The following TMEM254 variants were observed in gnomAD, a reference collection of about 807,000 sequenced individuals.
The protein encoded by TMEM254 is transmembrane protein C10orf57.
In TMEM254, 16 loss-of-function variants were observed where a neutral mutation model predicts 13.9. The observed-to-expected ratio is 1.15, with a 90% confidence interval of 0.78 to 1.75. The LOEUF is 1.75. Ranked by LOEUF, TMEM254 falls within the 40% of genes most tolerant of loss-of-function variation. The probability of loss-of-function intolerance (pLI) is 0.00; values close to 1 mark genes in which losing one functional copy is unlikely to be tolerated. For synonymous variants in TMEM254, 61 were observed against 56.4 expected (o/e 1.08, Z -0.36); for missense variants, 155 against 149.0 (o/e 1.04, Z -0.21).
At chr10:80,089,682 G>GA (rs984316133) in intron 3 of TMEM254, among the ~76,000 whole-genome samples, 2 of 125,240 alleles carry the variant, frequency 1.6e-5, no homozygotes, top group Admixed American at 7.7e-5. Context: ...CATCTCTGGG[G>GA]GGGTTGGAAA....
rs1008638122 is a variant in TMEM254 at position 80,079,799 on chromosome 10, G to T, written c.87+1013G>T. Reference sequence around the variant, plus strand: ...GCGATCTCGGCTCACTGCAACCTCTGCTTCCCAGGTTCAAGCGATTCTCAT... The same window carrying T: ...GCGATCTCGGCTCACTGCAACCTCTTCTTCCCAGGTTCAAGCGATTCTCAT... On this transcript the variant is annotated intron_variant, in intron 1 of 3. Transcript: ENST00000372281. The T allele has an allele frequency of 4.9e-6, 3 of 610,364 alleles. No homozygotes were observed. The African/African-American group carries it at 6.0e-5, about 12-fold the overall frequency. 37.8% of individuals were successfully genotyped at this position (610,364 alleles called of 1,614,324 possible).
chr10:80,083,893 A>C (rs1274267097), intron 3 of TMEM254, among the ~76,000 whole-genome samples: 1 of 152,096 alleles, frequency 6.6e-6, no homozygotes, highest in East Asian at 1.9e-4. Context: ...CCTGGCCAAC[A>C]TGACAAAACC....
chr10:80,090,053 T>G (rs1272577801), intron 3 of TMEM254, among the ~76,000 whole-genome samples: 1 of 152,090 alleles, frequency 6.6e-6, no homozygotes, highest in Non-Finnish European at 1.5e-5. Flanking sequence ...CTGCATTTAT[T>G]AAGATATTCA....
chr10:80,088,181 A>G (rs1022512558), intron 3 of TMEM254, among the ~76,000 whole-genome samples: 3 of 151,900 alleles, frequency 2.0e-5, no homozygotes, highest in African/African-American at 7.3e-5. Context: ...CTATTTCTGA[A>G]CACTCTATTC....
At chr10:80,082,067 T>G in intron 2 of TMEM254, 78 bp from the exon 3 acceptor site, 2 of 1,588,908 alleles carry the variant, frequency 1.3e-6, no homozygotes, top group Non-Finnish European at 1.7e-6. Flanking sequence ...GGCACTTTTC[T>G]TTTTGAGATT....
Position 80,090,896 on chromosome 10 carries a change from G to C in TMEM254, c.351G>C (p.Arg117=). The part of the protein sequence containing the change: ...ASLTILIAYK[R]KRQKQT ...TCACCATCTTGATTGCTTACAAACG[G>C]AAGCGCCAAAAACAAACTTGAAGTT... Residue 117 remains arginine (R), a synonymous_variant, in exon 4 of 4, where the codon CGG becomes CGC. Transcript: ENST00000372281. 1 of 1,613,828 alleles carries C rather than the reference G, an allele frequency of 6.2e-7. No individual in the cohort carries two copies. The highest frequency in any genetic ancestry group is 8.5e-7 in the Non-Finnish European group (1 of 1,179,902).
rs369105074 is a variant in TMEM254, at chr10:80,089,683, G to C, written c.252-1114G>C. Among the ~76,000 whole-genome samples, 748 of 151,582 alleles carry C rather than the reference G, an allele frequency of 4.9e-3. 7 individuals carry two copies. The highest frequency in any genetic ancestry group is 0.017 in the African/African-American group (701 of 41,336). ...ACAGAGTGAGACCCCATCTCTGGGGGGGTTGGAAAAAGAATGGATGTTGAA... is the reference window on the plus strand; with the variant it reads ...ACAGAGTGAGACCCCATCTCTGGGGCGGTTGGAAAAAGAATGGATGTTGAA... On this transcript the variant is annotated intron_variant, in intron 3 of 3. Coordinates refer to ENST00000372281, the MANE Select transcript of TMEM254 (RefSeq NM_025125.4).
At chr10:80,080,777 C>T (rs1056670170) in intron 1 of TMEM254, among the ~76,000 whole-genome samples, 4 of 151,464 alleles carry the variant, frequency 2.6e-5, no homozygotes, top group Non-Finnish European at 4.4e-5. Flanking sequence ...CATCTCTACA[C>T]ACACACACAC....
rs139429155 is a variant in TMEM254 at position 80,082,620 on chromosome 10, A to G, written c.251+416A>G. The stretch of plus-strand genomic sequence containing the variant: ...TTCAAAATACACACGTCTGGTTTCC[A>G]GACCCAGAGATTCTGATTGGGTAAG... On this transcript the variant is annotated intron_variant, in intron 3 of 3. Transcript: ENST00000372281. Among the ~76,000 whole-genome samples the G allele has an allele frequency of 1.6e-3, 243 of 152,314 alleles. 1 individual carries two copies. The highest frequency in any genetic ancestry group is 5.7e-3 in the African/African-American group (235 of 41,566).
At chr10:80,086,717 T>G (rs1403740443) in intron 3 of TMEM254, among the ~76,000 whole-genome samples, 1 of 151,666 alleles carries the variant, frequency 6.6e-6, no homozygotes, top group Admixed American at 6.6e-5. Context: ...GGCGGGCACC[T>G]GTAGTCCCAG....
At chr10:80,079,226 CGCCGGGCCCTCGTAGGGCGAGGG>C in intron 1 of TMEM254, 2 of 1,266,864 alleles carry the variant, frequency 1.6e-6, no homozygotes, top group South Asian at 1.3e-5. Context: ...TGTTTTGGCC[CGCCGGGCCCTCGTAGGGCGAGGG>C]GAGCTCTGGG....
At chr10:80,086,119 A>G in intron 3 of TMEM254, 1 of 572,378 alleles carries the variant, frequency 1.7e-6, no homozygotes, top group South Asian at 3.7e-5. Flanking sequence ...AGGCAGGAAA[A>G]AGTGTACTCA....
Position 80,079,505 on chromosome 10 carries a change from A to G in TMEM254, c.87+719A>G, listed in dbSNP as rs563443766. ...GAAGCAGAATGTTTGAGCCAATAGG[A>G]ATTGTTTGGAAAACGGGGATAAATC... On this transcript the variant is annotated intron_variant, in intron 1 of 3. Transcript: ENST00000372281. The G allele has an allele frequency of 3.9e-5, 40 of 1,015,346 alleles. No homozygotes were observed. The African/African-American group carries it at 6.2e-4, about 16-fold the overall frequency. The allele number at this position is 1,015,346 out of a possible 1,614,324, so 62.9% of individuals were successfully genotyped here.
chr10:80,081,176 G>A (rs1487554317), intron 1 of TMEM254, among the ~76,000 whole-genome samples: 1 of 152,054 alleles, frequency 6.6e-6, no homozygotes, highest in Non-Finnish European at 1.5e-5. Flanking sequence ...GCTTGAGCCC[G>A]GGAAGTCAAG....
rs369335627 is a variant in TMEM254 at position 80,087,556 on chromosome 10, G to A, written c.252-3241G>A. Among the ~76,000 whole-genome samples, 11 of 152,148 alleles carry A rather than the reference G, an allele frequency of 7.2e-5. No individual in the cohort carries two copies. The East Asian group carries it at 1.4e-3, about 19-fold the overall frequency. On this transcript the variant is annotated intron_variant, in intron 3 of 3. Transcript: ENST00000372281. The stretch of plus-strand genomic sequence containing the variant: ...TAATCCCAGCTACTCAGGAGGCTGA[G>A]GTAAGAGAATAGCTTGAATCTGGGA...
chr10:80,087,440 C>T (rs1441333518), intron 3 of TMEM254, among the ~76,000 whole-genome samples: 6 of 149,898 alleles, frequency 4.0e-5, no homozygotes, highest in East Asian at 2.0e-4. Context: ...GTTAGGAGTG[C>T]GATACCAGCC....
At chr10:80,085,324 C>T (rs11201620) in intron 3 of TMEM254, among the ~76,000 whole-genome samples, 4 of 151,938 alleles carry the variant, frequency 2.6e-5, no homozygotes, top group Non-Finnish European at 5.9e-5. Context: ...CTTGGGGAGG[C>T]TGAGGCAGGC....
intron 3 of TMEM254, among the ~76,000 whole-genome samples, chr10:80,083,559 C>G (rs979015928): frequency 3.3e-5 from 5 of 152,208 alleles, no homozygotes; most frequent in Non-Finnish European, 7.3e-5. Context: ...CAGTCACCAT[C>G]TGATATTATC....
intron 3 of TMEM254, among the ~76,000 whole-genome samples, chr10:80,086,965 T>A (rs1433211609): frequency 1.3e-5 from 2 of 152,160 alleles, no homozygotes; most frequent in East Asian, 1.9e-4. Context: ...ATGCCTGTTT[T>A]AAATTTTATT....
Sources: gnomAD v4.1 joint callset for allele counts (sites outside exome capture counted in the v4.1 genomes callset) on GRCh38, gnomAD v4.1.1 for gene constraint, MANE v1.5 for transcripts, NCBI Gene and HGNC (gene_info 2026-07-23, HGNC 2026-07-21) for gene names.